The following MIA2 variants were observed in gnomAD, a reference collection of about 807,000 sequenced individuals.
The protein encoded by MIA2 is melanoma inhibitory activity protein 2.
Under a neutral mutation model 167.8 loss-of-function variants are expected in MIA2, and 127 were observed. That is an observed-to-expected ratio of 0.76 (90% CI 0.66 to 0.88). The LOEUF is 0.88. Among genes scored for constraint, MIA2 ranks in the 40% least tolerant of loss-of-function variants. MIA2 has a pLI of 0.00. For synonymous variants in MIA2, 552 were observed against 541.9 expected (o/e 1.02, Z -0.26); for missense variants, 1,690 against 1,624.7 (o/e 1.04, Z -0.69).
At chr14:39,357,308 G>A (rs1336903167) in intron 23 of MIA2, among the ~76,000 whole-genome samples, 1 of 152,116 alleles carries the variant, frequency 6.6e-6, no homozygotes, top group Non-Finnish European at 1.5e-5. Flanking sequence ...ATTATGTAAT[G>A]GCCTTGTTTG....
chr14:39,317,927 G>A lies in MIA2; in HGVS notation c.3217-17G>A. The A allele has an allele frequency of 6.5e-7, 1 of 1,538,906 alleles. No individual in the cohort carries two copies. Among genetic ancestry groups the A allele is most frequent in the Non-Finnish European group, 8.8e-7 (1 of 1,140,070 alleles). On this transcript the variant is annotated splice_polypyrimidine_tract_variant and intron_variant, in intron 21 of 28. Coordinates refer to ENST00000640607, the MANE Select transcript of MIA2 (RefSeq NM_001329214.4). ...GTTTATATAAATATATTTTTAAAAT[G>A]TGTTATTTTCTTCAAGTTGGCAGCT...
intron 6 of MIA2, chr14:39,265,656 T>C (rs1186864959): frequency 2.5e-6 from 1 of 396,664 alleles, no homozygotes; most frequent in Non-Finnish European, 4.4e-6. Flanking sequence ...TTTTTGTTTT[T>C]TGAAAGTTCT....
At chr14:39,262,577 T>C (rs2055175602) in intron 6 of MIA2, among the ~76,000 whole-genome samples, 1 of 152,242 alleles carries the variant, frequency 6.6e-6, no homozygotes, top group African/African-American at 2.4e-5. Context: ...TTGATGGGGA[T>C]GGCATTGAAT....
At chr14:39,360,088 G>A (rs936105456) in intron 23 of MIA2, among the ~76,000 whole-genome samples, 1 of 151,236 alleles carries the variant, frequency 6.6e-6, no homozygotes, top group East Asian at 1.9e-4. Context: ...CTGAGGATGA[G>A]CTCAGGAGTT....
At chr14:39,347,805 A>G (rs779558333) in intron 27 of MIA2, 34 bp downstream of exon 27, 4 of 929,634 alleles carry the variant, frequency 4.3e-6, no homozygotes, top group East Asian at 2.8e-5. Flanking sequence ...GTATGCATGT[A>G]TTCAGAAGCC....
At chr14:39,322,728 CTCACCATACTT>C (rs2066703978) in intron 24 of MIA2, among the ~76,000 whole-genome samples, 1 of 152,024 alleles carries the variant, frequency 6.6e-6, no homozygotes, top group African/African-American at 2.4e-5. Flanking sequence ...TTTTTGATCT[CTCACCATACTT>C]TCTTTGTCAA....
Position 39,291,100 on chromosome 14 carries a change from G to T in MIA2, c.2208+4G>T. The T allele has an allele frequency of 6.3e-7, 1 of 1,589,366 alleles. No homozygotes were observed. The highest frequency in any genetic ancestry group is 8.5e-7 in the Non-Finnish European group (1 of 1,171,140). ...AACAGAAGCACAAAGTTTGGAGGTA[G>T]AAAATCAAATGGTATAATTTTAAAA... is the stretch of plus-strand genomic sequence containing the variant. On this transcript the variant is annotated splice_donor_region_variant and intron_variant, in intron 10 of 28. Coordinates refer to ENST00000640607, the MANE Select transcript of MIA2 (RefSeq NM_001329214.4).
chr14:39,341,294 T>A (rs575942341), intron 25 of MIA2, among the ~76,000 whole-genome samples: 3 of 151,630 alleles, frequency 2.0e-5, no homozygotes, highest in African/African-American at 7.3e-5. Context: ...AGAGTGAGAC[T>A]CCCTCTCAAA....
chr14:39,314,594 A>T, intron 19 of MIA2, 145 bp from the exon 20 acceptor site: 1 of 532,248 alleles, frequency 1.9e-6, no homozygotes, highest in Non-Finnish European at 3.2e-6. Context: ...ATTATTTCTT[A>T]ATGTGGAGTT....
chr14:39,308,764 A>G (rs1409108466), intron 18 of MIA2, among the ~76,000 whole-genome samples, 177 bp downstream of exon 18: 1 of 152,146 alleles, frequency 6.6e-6, no homozygotes, highest in African/African-American at 2.4e-5. Flanking sequence ...AACAAAGAAA[A>G]TATTGTAAGT....
intron 23 of MIA2, among the ~76,000 whole-genome samples, chr14:39,358,901 G>A (rs992314284): frequency 6.6e-6 from 1 of 152,136 alleles, no homozygotes; most frequent in Non-Finnish European, 1.5e-5. Flanking sequence ...CTGCCTGATC[G>A]TTCCTCTGAA....
At chr14:39,330,456 C>G (rs2068585486) in intron 25 of MIA2, among the ~76,000 whole-genome samples, 1 of 151,954 alleles carries the variant, frequency 6.6e-6, no homozygotes, top group Non-Finnish European at 1.5e-5. Context: ...GTGTCTTTAT[C>G]TCCTTCAGTT....
At chr14:39,377,873 C>T (rs1223237565) in intron 23 of MIA2, among the ~76,000 whole-genome samples, 1 of 151,828 alleles carries the variant, frequency 6.6e-6, no homozygotes, top group Non-Finnish European at 1.5e-5. Flanking sequence ...CCTTCAAATA[C>T]CTGTGTGAAT....
chr14:39,373,871 AC>A (rs779611265), intron 23 of MIA2, among the ~76,000 whole-genome samples: 17 of 152,242 alleles, frequency 1.1e-4, no homozygotes, highest in Admixed American at 7.8e-4. Flanking sequence ...AAGAAAAAAA[AC>A]AAACTCTGGC....
chr14:39,245,888 G>A (rs2054280175), intron 3 of MIA2, among the ~76,000 whole-genome samples: 1 of 151,994 alleles, frequency 6.6e-6, no homozygotes, highest in South Asian at 2.1e-4. Flanking sequence ...TCCAATATAT[G>A]GTTTTTGGGG....
chr14:39,267,027 G>A, intron 6 of MIA2: 1 of 1,005,994 alleles, frequency 9.9e-7, no homozygotes, highest in Non-Finnish European at 1.2e-6. Flanking sequence ...CCAGGGCTGG[G>A]TGGCTTCGCC....
At chr14:39,321,345 G>A (rs989290019) in intron 24 of MIA2, among the ~76,000 whole-genome samples, 6 of 151,728 alleles carry the variant, frequency 4.0e-5, no homozygotes, top group African/African-American at 1.5e-4. Flanking sequence ...ATGGAGTCTT[G>A]CTCTTTCACC....
intron 23 of MIA2, among the ~76,000 whole-genome samples, chr14:39,319,885 C>A (rs1301169154): frequency 6.6e-6 from 1 of 151,828 alleles, no homozygotes; most frequent in Non-Finnish European, 1.5e-5. Context: ...TAAATTTTTT[C>A]ATAATAATTT....
At chr14:39,312,113 C>T (rs971095870) in intron 18 of MIA2, among the ~76,000 whole-genome samples, 1 of 152,166 alleles carries the variant, frequency 6.6e-6, no homozygotes, top group Non-Finnish European at 1.5e-5. Context: ...TAGGCATGAG[C>T]CACTGCACCC....
Sources: allele counts gnomAD v4.1 joint callset (sites outside exome capture counted in the v4.1 genomes callset), GRCh38; gene constraint gnomAD v4.1.1; transcripts MANE v1.5; gene names NCBI Gene and HGNC (gene_info 2026-07-23, HGNC 2026-07-21).